The following LRRTM3 variants were observed in gnomAD, a reference collection of about 807,000 sequenced individuals.
LRRTM3 encodes the protein leucine rich repeat transmembrane neuronal 3.
Under a neutral mutation model 44.7 loss-of-function variants are expected in LRRTM3, and 24 were observed. That is an observed-to-expected ratio of 0.54 (90% CI 0.39 to 0.76). The LOEUF is 0.76. Ranked by LOEUF, LRRTM3 falls within the 30% of genes least tolerant of loss-of-function variation. LRRTM3 has a pLI of 0.00. For missense variants in LRRTM3, 587 were observed against 702.2 expected (o/e 0.84, Z 1.85); for synonymous variants, 277 against 278.7 (o/e 0.99, Z 0.06).
intron 2 of LRRTM3, among the ~76,000 whole-genome samples, chr10:67,027,791 C>T (rs555288739): frequency 2.6e-5 from 4 of 152,208 alleles, no homozygotes; most frequent in Admixed American, 1.3e-4. Flanking sequence ...AATATGTCCA[C>T]CAGAGTACCT....
intron 2 of LRRTM3, among the ~76,000 whole-genome samples, chr10:66,935,034 G>A (rs1215550291): frequency 6.6e-6 from 1 of 152,026 alleles, no homozygotes; most frequent in African/African-American, 2.4e-5. Context: ...AGCTTCAACT[G>A]GGTGGCCCTC....
At chr10:66,969,858 C>T (rs1849623583) in intron 2 of LRRTM3, among the ~76,000 whole-genome samples, 2 of 152,104 alleles carry the variant, frequency 1.3e-5, no homozygotes, top group Non-Finnish European at 2.9e-5. Context: ...TATATTTCCA[C>T]AACATGGAGA....
intron 2 of LRRTM3, among the ~76,000 whole-genome samples, chr10:66,978,959 CCT>C (rs1564808874): frequency 1.6e-5 from 2 of 128,378 alleles, no homozygotes; most frequent in African/African-American, 5.7e-5. Flanking sequence ...ATACTTATTT[CCT>C]TTTTTTTTTT....
intron 2 of LRRTM3, among the ~76,000 whole-genome samples, chr10:66,979,884 A>T (rs1564809424): frequency 6.6e-6 from 1 of 152,192 alleles, no homozygotes; most frequent in Non-Finnish European, 1.5e-5. Flanking sequence ...AACAAAATAG[A>T]AAAAGCCTGT....
At position 66,926,353 on chromosome 10, in the gene LRRTM3, T is replaced by G; in HGVS notation, c.-231T>G. On this transcript the variant is annotated 5_prime_UTR_variant, in exon 1 of 3. The change creates a new upstream start codon in the 5' untranslated region. Transcript: ENST00000361320. Reference sequence around the variant, plus strand: ...TGAAGATCCTATTACCTAGGAAGATTTTGATGTTTTGCTGCGAATGCGGTG... The same window carrying G: ...TGAAGATCCTATTACCTAGGAAGATGTTGATGTTTTGCTGCGAATGCGGTG... The G allele has an allele frequency of 1.6e-6, 1 of 608,244 alleles. No individual in the cohort carries two copies. The highest frequency in any genetic ancestry group is 2.9e-6 in the Non-Finnish European group (1 of 339,438). 37.7% of individuals were successfully genotyped at this position (608,244 alleles called of 1,614,324 possible). A position where few individuals can be genotyped will look rare whatever the true frequency, so the allele number is the denominator to read the frequency against.
intron 2 of LRRTM3, among the ~76,000 whole-genome samples, chr10:66,949,014 G>A (rs1848407559): frequency 6.6e-6 from 1 of 152,056 alleles, no homozygotes; most frequent in Non-Finnish European, 1.5e-5. Context: ...TTGATTAGGA[G>A]ACTCTGGAAA....
chr10:67,091,446 C>T (rs959835864), intron 2 of LRRTM3, among the ~76,000 whole-genome samples: 1 of 151,860 alleles, frequency 6.6e-6, no homozygotes, highest in African/African-American at 2.4e-5. Context: ...TTAAATCCCA[C>T]TTCTTTCCAA....
intron 2 of LRRTM3, among the ~76,000 whole-genome samples, chr10:66,954,545 G>GT (rs1385485641): frequency 6.6e-6 from 1 of 152,134 alleles, no homozygotes; most frequent in Non-Finnish European, 1.5e-5. Flanking sequence ...GTAGGCACTG[G>GT]TCATGCCCCA....
intron 2 of LRRTM3, among the ~76,000 whole-genome samples, chr10:66,971,691 G>A (rs1356977488): frequency 1.3e-5 from 2 of 152,056 alleles, no homozygotes; most frequent in East Asian, 3.9e-4. Context: ...ACAGGTAAGG[G>A]TATAAACCAC....
intron 2 of LRRTM3, among the ~76,000 whole-genome samples, chr10:66,983,005 A>G (rs1336053370): frequency 1.2e-4 from 18 of 152,310 alleles, no homozygotes; most frequent in Middle Eastern, 3.4e-3. Flanking sequence ...AAGGAAATGC[A>G]CTAATGAGCA....
At chr10:67,009,579 C>T (rs553941031) in intron 2 of LRRTM3, among the ~76,000 whole-genome samples, 2 of 151,860 alleles carry the variant, frequency 1.3e-5, no homozygotes, top group South Asian at 2.1e-4. Context: ...TTTCCCTGAG[C>T]GAATGGGTAA....
rs74970517 is a variant in LRRTM3, at chr10:67,040,044, C to T, written c.1537-57543C>T. 0.01 allele frequency among the ~76,000 whole-genome samples: 1,562 copies of T among 152,234 alleles called. 64 individuals are homozygous for T. The East Asian group carries it at 0.14, about 14-fold the overall frequency. On this transcript the variant is annotated intron_variant, in intron 2 of 2. Coordinates refer to ENST00000361320, the MANE Select transcript of LRRTM3 (RefSeq NM_178011.5). ...CATGAGGAGGGTTAGTGACACTCCACACCCATTCATCTCTCTCTTTTTTTT... is the reference window on the plus strand; with the variant it reads ...CATGAGGAGGGTTAGTGACACTCCATACCCATTCATCTCTCTCTTTTTTTT...
At chr10:67,080,494 A>AT (rs930179588) in intron 2 of LRRTM3, among the ~76,000 whole-genome samples, 9 of 151,876 alleles carry the variant, frequency 5.9e-5, no homozygotes, top group African/African-American at 1.4e-4. Flanking sequence ...CTGACATGAG[A>AT]TTTTTTTTTC....
intron 2 of LRRTM3, among the ~76,000 whole-genome samples, chr10:66,965,036 A>G (rs1849323122): frequency 6.6e-6 from 1 of 152,180 alleles, no homozygotes; most frequent in Admixed American, 6.5e-5. Context: ...AAAGCAAACA[A>G]GCAAATATTT....
chr10:66,955,777 A>T (rs1379932112), intron 2 of LRRTM3, among the ~76,000 whole-genome samples: 3 of 152,114 alleles, frequency 2.0e-5, no homozygotes, highest in Non-Finnish European at 4.4e-5. Context: ...TTCTTCATTG[A>T]TGGTATAAAC....
chr10:67,078,774 C>T (rs773029049), intron 2 of LRRTM3, among the ~76,000 whole-genome samples: 3 of 152,118 alleles, frequency 2.0e-5, no homozygotes, highest in Non-Finnish European at 2.9e-5. Context: ...CCTCGGCCCC[C>T]CAACGTGCTG....
At chr10:66,952,924 G>A (rs371038825) in intron 2 of LRRTM3, among the ~76,000 whole-genome samples, 8 of 151,954 alleles carry the variant, frequency 5.3e-5, no homozygotes, top group African/African-American at 1.2e-4. Context: ...TGTTACAGCC[G>A]TTCAGAATGC....
chr10:66,983,264 C>A (rs1183116830), intron 2 of LRRTM3, among the ~76,000 whole-genome samples: 1 of 152,126 alleles, frequency 6.6e-6, no homozygotes, highest in East Asian at 1.9e-4. Context: ...CCCCTCCCAG[C>A]CATGTTCCTC....
chr10:67,006,273 CCACTT>C (rs1851983024), intron 2 of LRRTM3, among the ~76,000 whole-genome samples: 1 of 152,070 alleles, frequency 6.6e-6, no homozygotes, highest in Non-Finnish European at 1.5e-5. Flanking sequence ...CTACATCACA[CCACTT>C]AACTATTAAG....
Sources: gnomAD v4.1 joint callset for allele counts (sites outside exome capture counted in the v4.1 genomes callset) on GRCh38, gnomAD v4.1.1 for gene constraint, MANE v1.5 for transcripts, NCBI Gene and HGNC (gene_info 2026-07-23, HGNC 2026-07-21) for gene names.